HIVEP3: variants seen among roughly 807,000 people sequenced by gnomAD.
HIVEP3 encodes transcription factor HIVEP3.
HIVEP3 carries 49 observed loss-of-function variants against 152.8 expected under a neutral mutation model. The observed-to-expected ratio is 0.32, with a 90% CI of 0.26 to 0.41. The LOEUF is 0.41. Among genes scored for constraint, HIVEP3 ranks in the 10% least tolerant of loss-of-function variants. The probability of loss-of-function intolerance (pLI) is 1.00; values close to 1 mark genes in which losing one functional copy is unlikely to be tolerated. For synonymous variants in HIVEP3, 1,269 were observed against 1,289.0 expected, an observed-to-expected ratio of 0.98 and a Z score of 0.33; for missense variants, 2,790 against 3,103.3, an observed-to-expected ratio of 0.90 and a Z score of 2.40.
intron 1 of HIVEP3, among the ~76,000 whole-genome samples, chr1:41,828,751 G>T (rs1428202215): frequency 6.6e-6 from 1 of 152,132 alleles, no homozygotes; most frequent in South Asian, 2.1e-4. Context: ...GCCAACTCAG[G>T]CTCCTCAAAT....
chr1:41,746,347 T>G (rs150882294), intron 1 of HIVEP3, among the ~76,000 whole-genome samples: 1 of 152,208 alleles, frequency 6.6e-6, no homozygotes, highest in Non-Finnish European at 1.5e-5. Flanking sequence ...AAAGGTGACA[T>G]GTTTGCTGGG....
chr1:41,681,744 G>A (rs1646042155), intron 2 of HIVEP3, among the ~76,000 whole-genome samples: 1 of 152,184 alleles, frequency 6.6e-6, no homozygotes, highest in South Asian at 2.1e-4. Flanking sequence ...CCTGAGGGAG[G>A]AGGGGCTGGG....
chr1:41,961,264 A>G lies in HIVEP3; in HGVS notation n.120-42740T>C, dbSNP rs141347716. 1.7e-3 allele frequency among the ~76,000 whole-genome samples: 253 copies of G among 152,344 alleles called. 1 individual carries two copies. Among genetic ancestry groups the G allele is most frequent in the African/African-American group, 6.0e-3 (248 of 41,584 alleles). On this transcript the variant is annotated intron_variant and non_coding_transcript_variant, in intron 1 of 3. Coordinates refer to the HIVEP3 transcript ENST00000489103. ...CCAACCATCATCAGACTGTAACTGC[A>G]TGAGAGACTCTGAGCCAGACCACTC...
At chr1:41,541,499 G>T (rs1205735508) in intron 5 of HIVEP3, among the ~76,000 whole-genome samples, 2 of 152,172 alleles carry the variant, frequency 1.3e-5, no homozygotes, top group Non-Finnish European at 2.9e-5. Context: ...CCCCACAGCA[G>T]ATCTGCAGGC....
intron 1 of HIVEP3, among the ~76,000 whole-genome samples, chr1:41,759,925 G>C (rs1423604239): frequency 6.6e-6 from 1 of 152,206 alleles, no homozygotes; most frequent in Non-Finnish European, 1.5e-5. Context: ...AGAGTAGTAG[G>C]GGGTAAGGGC....
chr1:41,860,142 G>A (rs763361508), intron 1 of HIVEP3, among the ~76,000 whole-genome samples: 3 of 152,170 alleles, frequency 2.0e-5, no homozygotes, highest in Non-Finnish European at 4.4e-5. Flanking sequence ...TGGATTTGAT[G>A]CCTAAACATC....
rs1015388570 is a variant in HIVEP3, at chr1:41,890,843, T to A, written c.-801+27570A>T. Among the ~76,000 whole-genome samples, 5 of 152,336 alleles carry A rather than the reference T, an allele frequency of 3.3e-5. No homozygotes were observed. The East Asian group carries it at 9.6e-4, about 29-fold the overall frequency. ...AGGTCTCTGGGCAAGCTTCCTTATATAACCTGCACATTGTCAACGCTCCAC... is the reference window on the plus strand; with the variant it reads ...AGGTCTCTGGGCAAGCTTCCTTATAAAACCTGCACATTGTCAACGCTCCAC... On this transcript the variant is annotated intron_variant, in intron 1 of 8. Transcript: ENST00000372583.
chr1:41,906,261 A>G (rs909868369), intron 1 of HIVEP3, among the ~76,000 whole-genome samples: 2 of 152,014 alleles, frequency 1.3e-5, no homozygotes, highest in Non-Finnish European at 2.9e-5. Context: ...GTGAGCTGAG[A>G]TCGCACCACT....
At chr1:42,029,760 T>C (rs1410952376) in intron 1 of HIVEP3, among the ~76,000 whole-genome samples, 1 of 152,214 alleles carries the variant, frequency 6.6e-6, no homozygotes, top group African/African-American at 2.4e-5. Flanking sequence ...ACATCAATTA[T>C]GTGATTATTC....
chr1:41,528,244 T>A lies in HIVEP3; in HGVS notation c.5208-3334A>T, dbSNP rs1558031220. On this transcript the variant is annotated intron_variant, in intron 5 of 8. Transcript: ENST00000372583. ...ACTCCACCCTCACACCCTCACACACTCACCCTCACACCCCTCCACCCTCAC... is the reference window on the plus strand; with the variant it reads ...ACTCCACCCTCACACCCTCACACACACACCCTCACACCCCTCCACCCTCAC... Among the ~76,000 whole-genome samples the A allele has an allele frequency of 8.8e-5, 3 of 34,168 alleles. No homozygotes were observed. In the East Asian group the frequency reaches 2.7e-3, roughly 30 times the overall value. The allele number at this position is 34,168 out of a possible 152,430, so 22.4% of individuals were successfully genotyped here.
intron 1 of HIVEP3, among the ~76,000 whole-genome samples, chr1:41,851,289 C>CTTTTTTTT (rs34180186): frequency 9.9e-4 from 59 of 59,802 alleles, no homozygotes; most frequent in East Asian, 2.2e-3. Context: ...TCTTCTTCTT[C>CTTTTTTTT]TTTTTTTTTT....
chr1:41,709,398 G>A (rs898884173), intron 1 of HIVEP3, among the ~76,000 whole-genome samples: 4 of 152,242 alleles, frequency 2.6e-5, no homozygotes, highest in Non-Finnish European at 5.9e-5. Context: ...TCAGGTGGAA[G>A]CCCAGAGAAA....
chr1:41,567,551 G>A (rs558061041), intron 5 of HIVEP3, among the ~76,000 whole-genome samples: 117 of 152,324 alleles, frequency 7.7e-4, no homozygotes, highest in African/African-American at 2.7e-3. Context: ...TAAAGAGAGA[G>A]CAAGGTGCTG....
rs529873793 is a variant in HIVEP3, at chr1:41,768,743, T to C, written c.-800-67748A>G. 7.2e-5 allele frequency among the ~76,000 whole-genome samples: 11 copies of C among 152,352 alleles called. No homozygotes were observed. The South Asian group carries it at 2.3e-3, about 32-fold the overall frequency. Reference sequence around the variant, plus strand: ...CTCTACACTGAGGAGTTGCTGCTTCTGGTCATTCACAGAGAGGAAGCTGAG... The same window carrying C: ...CTCTACACTGAGGAGTTGCTGCTTCCGGTCATTCACAGAGAGGAAGCTGAG... On this transcript the variant is annotated intron_variant, in intron 1 of 8. Transcript: ENST00000372583.
intron 3 of HIVEP3, among the ~76,000 whole-genome samples, chr1:41,616,836 C>T (rs536756868): frequency 6.6e-6 from 1 of 152,202 alleles, no homozygotes; most frequent in African/African-American, 2.4e-5. Flanking sequence ...TTCTAGGCTA[C>T]AGGCCAATAG....
chr1:41,983,645 C>T (rs949414170), intron 1 of HIVEP3, among the ~76,000 whole-genome samples: 5 of 152,040 alleles, frequency 3.3e-5, no homozygotes, highest in Non-Finnish European at 1.5e-5. Flanking sequence ...CCACAAGTCA[C>T]GCACTCCTAA....
intron 3 of HIVEP3, among the ~76,000 whole-genome samples, chr1:41,619,637 C>G (rs76780849): frequency 0.029 from 4,475 of 152,198 alleles, 217 homozygotes; most frequent in African/African-American, 0.1. Flanking sequence ...GGGGTGTCAC[C>G]TGACTGGTAT....
At chr1:41,824,784 T>TAGAGAG (rs397979993) in intron 1 of HIVEP3, among the ~76,000 whole-genome samples, 155 of 11,210 alleles carry the variant, frequency 0.014, 2 homozygotes, top group Non-Finnish European at 0.018. Flanking sequence ...TATATATATA[T>TAGAGAG]AGAGAGAGAG....
intron 1 of HIVEP3, among the ~76,000 whole-genome samples, chr1:41,796,763 T>TA (rs957352330): frequency 2.6e-5 from 4 of 152,212 alleles, no homozygotes; most frequent in African/African-American, 4.8e-5. Context: ...TTAGATTTTT[T>TA]AAAAAAACAC....
Sources: gnomAD v4.1 joint callset for allele counts (sites outside exome capture counted in the v4.1 genomes callset) on GRCh38, gnomAD v4.1.1 for gene constraint, MANE v1.5 for transcripts, NCBI Gene and HGNC (gene_info 2026-07-23, HGNC 2026-07-21) for gene names.